ATP8A2: variants seen among roughly 807,000 people sequenced by gnomAD.
The protein encoded by ATP8A2 is phospholipid-transporting ATPase IB.
A neutral mutation model predicts 165.6 loss-of-function variants in ATP8A2; 100 were observed. The ratio of observed to expected loss-of-function variants is 0.60; its 90% CI spans 0.51 to 0.71. ATP8A2 has a LOEUF of 0.71. Ranked by LOEUF, ATP8A2 falls within the 30% of genes least tolerant of loss-of-function variation. The probability of loss-of-function intolerance (pLI) is 0.00; values close to 1 mark genes in which losing one functional copy is unlikely to be tolerated. For synonymous variants in ATP8A2, 543 were observed against 548.8 expected, an observed-to-expected ratio of 0.99 and a Z score of 0.15; for missense variants, 1,227 against 1,479.5, an observed-to-expected ratio of 0.83 and a Z score of 2.80.
intron 15 of ATP8A2, among the ~76,000 whole-genome samples, chr13:25,563,659 C>T (rs940273304): frequency 1.3e-5 from 2 of 152,190 alleles, no homozygotes; most frequent in African/African-American, 2.4e-5. Context: ...CTCGGGCCAA[C>T]TGAAATGCCA....
At chr13:25,468,731 C>A (rs549158870) in intron 1 of ATP8A2, 4 of 651,584 alleles carry the variant, frequency 6.1e-6, no homozygotes, top group African/African-American at 2.0e-5. Context: ...GGGCGGGGCT[C>A]GCTCCACAAG....
intron 33 of ATP8A2, among the ~76,000 whole-genome samples, chr13:25,957,771 A>AC (rs2139173084): frequency 6.6e-6 from 1 of 152,300 alleles, no homozygotes; most frequent in African/African-American, 2.4e-5. Flanking sequence ...CTGGGTATAT[A>AC]CCCAAAGGAT....
At chr13:25,881,228 C>G (rs1437341859) in intron 33 of ATP8A2, among the ~76,000 whole-genome samples, 1 of 151,894 alleles carries the variant, frequency 6.6e-6, no homozygotes, top group African/African-American at 2.4e-5. Context: ...CAAAGCTATA[C>G]AATGTGTTAA....
intron 25 of ATP8A2, among the ~76,000 whole-genome samples, chr13:25,730,929 G>A (rs4770865): frequency 0.19 from 29,239 of 151,698 alleles, 3,045 homozygotes; most frequent in Middle Eastern, 0.33. Flanking sequence ...CAAAAAATTA[G>A]CCAGGTTGGC....
intron 24 of ATP8A2, among the ~76,000 whole-genome samples, chr13:25,668,237 G>A (rs1391194071): frequency 6.6e-6 from 1 of 152,030 alleles, no homozygotes; most frequent in Non-Finnish European, 1.5e-5. Flanking sequence ...AGCTCCTTTA[G>A]CTACTGTATA....
intron 2 of ATP8A2, among the ~76,000 whole-genome samples, chr13:25,528,823 C>T (rs61948616): frequency 0.43 from 28,465 of 66,674 alleles, 6,713 homozygotes; most frequent in African/African-American, 0.56. Context: ...TGTGTATGCA[C>T]ACATATGCAA....
At chr13:25,414,935 G>T (rs2034089127) in intron 1 of ATP8A2, among the ~76,000 whole-genome samples, 1 of 152,136 alleles carries the variant, frequency 6.6e-6, no homozygotes, top group Non-Finnish European at 1.5e-5. Flanking sequence ...TGCAGAGCAG[G>T]TGCTGGGTAA....
chr13:25,506,179 G>T (rs938993318), intron 2 of ATP8A2, among the ~76,000 whole-genome samples: 9 of 152,122 alleles, frequency 5.9e-5, no homozygotes, highest in Non-Finnish European at 1.0e-4. Context: ...GAGCTCTTCC[G>T]CTCTCCCTGC....
At chr13:25,631,709 T>C (rs1263881049) in intron 24 of ATP8A2, among the ~76,000 whole-genome samples, 3 of 152,142 alleles carry the variant, frequency 2.0e-5, no homozygotes, top group Non-Finnish European at 4.4e-5. Flanking sequence ...ATCATTACAA[T>C]GTTTTGCAGG....
chr13:25,427,122 G>C (rs929984145), intron 1 of ATP8A2, among the ~76,000 whole-genome samples: 2 of 152,168 alleles, frequency 1.3e-5, no homozygotes, highest in Admixed American at 6.5e-5. Context: ...CTGCAGAGCA[G>C]GAAGTGAGCA....
chr13:25,955,447 A>G (rs9507607), intron 33 of ATP8A2, among the ~76,000 whole-genome samples: 37,092 of 152,158 alleles, frequency 0.24, 4,718 homozygotes, highest in South Asian at 0.43. Context: ...AGGGGATATC[A>G]CCACTGATCC....
chr13:25,473,649 A>G (rs1338335072), intron 2 of ATP8A2, among the ~76,000 whole-genome samples: 1 of 152,132 alleles, frequency 6.6e-6, no homozygotes, highest in Non-Finnish European at 1.5e-5. Context: ...CAAAAGAAAT[A>G]TTATACTCTA....
chr13:25,895,856 A>G (rs1436421785), intron 33 of ATP8A2, among the ~76,000 whole-genome samples: 1 of 152,132 alleles, frequency 6.6e-6, no homozygotes, highest in South Asian at 2.1e-4. Flanking sequence ...GGTAGTTTGT[A>G]TTTCTGTGAG....
In ATP8A2 at chr13:26,025,450, C is replaced by T. The variant is rs1240814875; in HGVS notation, c.*5465C>T. On this transcript the variant is annotated 3_prime_UTR_variant, in exon 37 of 37. Transcript: ENST00000381655. Reference sequence around the variant, plus strand: ...GGCGTCTTTCTCATGCGAGCAAAGCCACGTGCTCTCCTGTCTGCTGTCACA... The same window carrying T: ...GGCGTCTTTCTCATGCGAGCAAAGCTACGTGCTCTCCTGTCTGCTGTCACA... 6.6e-6 allele frequency: 1 copy of T among 152,254 alleles called. No individual in the cohort carries two copies. Among genetic ancestry groups the T allele is most frequent in the African/African-American group, 2.4e-5 (1 of 41,444 alleles). 9.4% of individuals were successfully genotyped at this position (152,254 alleles called of 1,614,324 possible). A position where few individuals can be genotyped will look rare whatever the true frequency, so the allele number is the denominator to read the frequency against.
chr13:25,842,638 C>T (rs1351573888), intron 30 of ATP8A2, among the ~76,000 whole-genome samples: 1 of 149,210 alleles, frequency 6.7e-6, no homozygotes, highest in Non-Finnish European at 1.5e-5. Flanking sequence ...TGCCACTGCA[C>T]TCCAGCCTGG....
At chr13:25,595,383 G>A (rs571180809) in intron 24 of ATP8A2, among the ~76,000 whole-genome samples, 11 of 152,250 alleles carry the variant, frequency 7.2e-5, no homozygotes, top group African/African-American at 7.2e-5. Flanking sequence ...TGATGCCTGC[G>A]GCAGAGACTA....
At chr13:25,739,278 A>G (rs1282112733) in intron 25 of ATP8A2, among the ~76,000 whole-genome samples, 1 of 152,222 alleles carries the variant, frequency 6.6e-6, no homozygotes, top group Non-Finnish European at 1.5e-5. Context: ...TCTGCTCATC[A>G]GGGGCTTTGA....
At chr13:25,769,369 T>G in intron 26 of ATP8A2, 140 bp downstream of exon 26, 3 of 765,854 alleles carry the variant, frequency 3.9e-6, no homozygotes, top group Non-Finnish European at 6.1e-6. Flanking sequence ...ACCCCGGGGA[T>G]ATTTGGAATT....
intron 1 of ATP8A2, 147 bp from the exon 2 acceptor site, chr13:25,468,830 G>A (rs556930239): frequency 1.1e-5 from 15 of 1,311,966 alleles, no homozygotes; most frequent in Non-Finnish European, 1.3e-5. Context: ...GCGTCTCCAG[G>A]GGGAGCCAAG....
Sources: allele counts gnomAD v4.1 joint callset (sites outside exome capture counted in the v4.1 genomes callset), GRCh38; gene constraint gnomAD v4.1.1; transcripts MANE v1.5; gene names NCBI Gene and HGNC (gene_info 2026-07-23, HGNC 2026-07-21).